DIAPH3: variants seen among roughly 807,000 people sequenced by gnomAD.
DIAPH3 encodes the protein protein diaphanous homolog 3.
In DIAPH3, 117 loss-of-function variants were observed where a neutral mutation model predicts 144.3. That is an observed-to-expected ratio of 0.81 (90% CI 0.70 to 0.95). DIAPH3 has a LOEUF of 0.95. Ranked by LOEUF, DIAPH3 falls within the 40% of genes least tolerant of loss-of-function variation. The pLI, the probability that DIAPH3 is intolerant of heterozygous loss-of-function variation, is 0.00. For missense variants in DIAPH3, 1,421 were observed against 1,412.7 expected, an observed-to-expected ratio of 1.01 and a Z score of -0.09; for synonymous variants, 519 against 488.9, an observed-to-expected ratio of 1.06 and a Z score of -0.81.
chr13:60,107,273 A>AT (rs1415938471), intron 3 of DIAPH3, among the ~76,000 whole-genome samples: 1 of 152,122 alleles, frequency 6.6e-6, no homozygotes, highest in African/African-American at 2.4e-5. Flanking sequence ...AGAAAAAAAA[A>AT]AGGAAAGTTT....
At chr13:60,076,783 G>A (rs1201373052) in intron 4 of DIAPH3, among the ~76,000 whole-genome samples, 1 of 151,964 alleles carries the variant, frequency 6.6e-6, no homozygotes, top group East Asian at 1.9e-4. Flanking sequence ...TCTTAACTTG[G>A]ATTTTGCCAC....
chr13:59,965,290 G>A (rs1410223524), intron 17 of DIAPH3, among the ~76,000 whole-genome samples: 1 of 152,038 alleles, frequency 6.6e-6, no homozygotes, highest in East Asian at 1.9e-4. Flanking sequence ...TGACACACCT[G>A]TTATAAAATA....
intron 4 of DIAPH3, among the ~76,000 whole-genome samples, chr13:60,069,687 T>G (rs1566735711): frequency 1.3e-5 from 2 of 152,194 alleles, no homozygotes; most frequent in South Asian, 2.1e-4. Flanking sequence ...TTCAATCTTC[T>G]GCATATGGCT....
At chr13:60,040,800 A>G (rs562392883) in intron 5 of DIAPH3, among the ~76,000 whole-genome samples, 1 of 152,232 alleles carries the variant, frequency 6.6e-6, no homozygotes, top group African/African-American at 2.4e-5. Flanking sequence ...CCCCACACCC[A>G]ACATACTACT....
Position 59,670,702 on chromosome 13 carries a change from C to T in DIAPH3, c.3320-3856G>A, listed in dbSNP as rs1191923510. ...GGTTCACGCCATTGTCTTCCCTCAG[C>T]CTCCCGAGTAGCTGGGACTACAGGC... On this transcript the variant is annotated intron_variant, in intron 27 of 27. Transcript: ENST00000400324. Among the ~76,000 whole-genome samples, 6 of 151,922 alleles carry T rather than the reference C, an allele frequency of 3.9e-5. 1 individual carries two copies. Among genetic ancestry groups the T allele is most frequent in the Non-Finnish European group, 8.8e-5 (6 of 67,992 alleles).
intron 20 of DIAPH3, among the ~76,000 whole-genome samples, chr13:59,900,338 G>GA (rs1727926421): frequency 1.3e-5 from 2 of 151,966 alleles, no homozygotes; most frequent in East Asian, 1.9e-4. Context: ...GAGGCAAAAA[G>GA]TTTTTTTTCT....
intron 12 of DIAPH3, among the ~76,000 whole-genome samples, chr13:59,984,394 T>C (rs532377366): frequency 5.9e-5 from 9 of 151,868 alleles, no homozygotes; most frequent in Admixed American, 2.6e-4. Context: ...TTCATATTTC[T>C]TACTCAAAGG....
chr13:59,856,330 T>C (rs2043250222), intron 22 of DIAPH3, among the ~76,000 whole-genome samples: 1 of 152,204 alleles, frequency 6.6e-6, no homozygotes, highest in Admixed American at 6.5e-5. Context: ...CTTAAGTTAG[T>C]ATATTAGTTT....
intron 27 of DIAPH3, among the ~76,000 whole-genome samples, chr13:59,692,679 T>C (rs2033596130): frequency 6.6e-6 from 1 of 151,966 alleles, no homozygotes; most frequent in Non-Finnish European, 1.5e-5. Flanking sequence ...CATGCAGAAA[T>C]CGACCCACCA....
intron 27 of DIAPH3, among the ~76,000 whole-genome samples, chr13:59,757,804 G>A (rs1480971411): frequency 6.6e-6 from 1 of 152,174 alleles, no homozygotes; most frequent in Non-Finnish European, 1.5e-5. Flanking sequence ...GTGGCAGTTT[G>A]ACATGTGTTG....
At chr13:59,956,255 C>T (rs1044551232) in intron 17 of DIAPH3, among the ~76,000 whole-genome samples, 1 of 152,192 alleles carries the variant, frequency 6.6e-6, no homozygotes, top group Non-Finnish European at 1.5e-5. Context: ...CAGAGGTCTT[C>T]ATAGCAGCCA....
chr13:59,792,794 C>G (rs1238284725), intron 25 of DIAPH3, among the ~76,000 whole-genome samples: 1 of 152,132 alleles, frequency 6.6e-6, no homozygotes, highest in Non-Finnish European at 1.5e-5. Context: ...CCTTCATTCT[C>G]CTACTTTTTC....
At chr13:59,908,029 A>G (rs1344038787) in intron 20 of DIAPH3, among the ~76,000 whole-genome samples, 1 of 152,154 alleles carries the variant, frequency 6.6e-6, no homozygotes, top group Non-Finnish European at 1.5e-5. Context: ...ACCATACTCT[A>G]CAGGATATAG....
chr13:59,993,236 T>C (rs1336792880), intron 9 of DIAPH3, among the ~76,000 whole-genome samples: 1 of 151,884 alleles, frequency 6.6e-6, no homozygotes, highest in Non-Finnish European at 1.5e-5. Context: ...AATCACAAAA[T>C]TTTCAGCTCA....
At chr13:59,853,295 A>G (rs1475268117) in intron 22 of DIAPH3, among the ~76,000 whole-genome samples, 1 of 152,170 alleles carries the variant, frequency 6.6e-6, no homozygotes, top group Non-Finnish European at 1.5e-5. Context: ...ATGGCCTATC[A>G]ATAAAAAAAT....
chr13:59,990,161 T>C (rs1314872511), intron 12 of DIAPH3, among the ~76,000 whole-genome samples: 1 of 151,910 alleles, frequency 6.6e-6, no homozygotes, highest in African/African-American at 2.4e-5. Flanking sequence ...ACTAAACTCA[T>C]ATTTTAGAAT....
Position 59,879,435 on chromosome 13 carries a change from T to G in DIAPH3, c.2401A>C (p.Ser801Arg), listed in dbSNP as rs1213603917. The G allele has an allele frequency of 1.2e-6, 2 of 1,613,812 alleles. No homozygotes were observed. Among genetic ancestry groups the G allele is most frequent in the Admixed American group, 1.7e-5 (1 of 59,970 alleles). Residue 801 changes from serine (S) to arginine (R), a missense_variant, in exon 21 of 28, where the codon AGT becomes CGT. Transcript: ENST00000400324. Reference sequence around the variant, plus strand: ...AACTGAAGCTTAAAGAGAATAGCACTGAGCCGTGGCCGTAGTCTCTTCACA... The same window carrying G: ...AACTGAAGCTTAAAGAGAATAGCACGGAGCCGTGGCCGTAGTCTCTTCACA... The part of the protein sequence containing the change: ...SNVKRLRPRL[S>R]AILFKLQFEE...
At chr13:59,784,451 T>C (rs974883302) in intron 25 of DIAPH3, among the ~76,000 whole-genome samples, 1 of 150,734 alleles carries the variant, frequency 6.6e-6, no homozygotes, top group African/African-American at 2.4e-5. Context: ...TCTCAGCTCA[T>C]GGCAACCTCT....
intron 24 of DIAPH3, among the ~76,000 whole-genome samples, chr13:59,824,680 A>G (rs2041274428): frequency 6.6e-6 from 1 of 152,158 alleles, no homozygotes; most frequent in African/African-American, 2.4e-5. Flanking sequence ...TAATAACTAC[A>G]AAGTTTGGCA....
Sources: allele counts gnomAD v4.1 joint callset (sites outside exome capture counted in the v4.1 genomes callset), GRCh38; gene constraint gnomAD v4.1.1; transcripts MANE v1.5; gene names NCBI Gene and HGNC (gene_info 2026-07-23, HGNC 2026-07-21).